The following SLC24A3 variants were observed in gnomAD, a reference collection of about 807,000 sequenced individuals.
The protein encoded by SLC24A3 is sodium/potassium/calcium exchanger 3.
SLC24A3 carries 28 observed loss-of-function variants against 75.8 expected under a neutral mutation model. The ratio of observed to expected loss-of-function variants is 0.37; its 90% CI spans 0.27 to 0.51. The LOEUF is 0.51. SLC24A3 is among the 20% of genes least tolerant of loss of function. The pLI is 0.94. For missense variants in SLC24A3, 663 were observed against 847.8 expected (o/e 0.78, Z 2.71); for synonymous variants, 372 against 334.1 (o/e 1.11, Z -1.24).
chr20:19,396,866 C>T (rs1051565449), intron 2 of SLC24A3, among the ~76,000 whole-genome samples: 2 of 152,196 alleles, frequency 1.3e-5, no homozygotes, highest in African/African-American at 4.8e-5. Flanking sequence ...TCTAACATCT[C>T]CACTTGCCAA....
intron 15 of SLC24A3, among the ~76,000 whole-genome samples, chr20:19,712,178 T>C (rs2032999935): frequency 6.6e-6 from 1 of 152,014 alleles, no homozygotes; most frequent in South Asian, 2.1e-4. Flanking sequence ...CTTTAACTCC[T>C]AGATTCAGGC....
chr20:19,360,201 C>T (rs1419351740), intron 2 of SLC24A3, among the ~76,000 whole-genome samples: 1 of 152,182 alleles, frequency 6.6e-6, no homozygotes, highest in Admixed American at 6.5e-5. Flanking sequence ...TTGCTGATAC[C>T]ATCTTATGTT....
intron 12 of SLC24A3, among the ~76,000 whole-genome samples, chr20:19,692,028 A>T (rs1398102482): frequency 6.6e-6 from 1 of 152,172 alleles, no homozygotes; most frequent in African/African-American, 2.4e-5. Flanking sequence ...ATAATGTTAG[A>T]TACTTTTTCT....
intron 2 of SLC24A3, among the ~76,000 whole-genome samples, chr20:19,437,358 C>T (rs766897418): frequency 3.9e-5 from 6 of 152,200 alleles, no homozygotes; most frequent in Non-Finnish European, 8.8e-5. Context: ...GCCCTGCTGT[C>T]ACTCATTCTC....
At chr20:19,388,205 A>G (rs1178154376) in intron 2 of SLC24A3, among the ~76,000 whole-genome samples, 1 of 152,164 alleles carries the variant, frequency 6.6e-6, no homozygotes, top group African/African-American at 2.4e-5. Context: ...TTTTCTAACT[A>G]TCCCTACTAT....
At chr20:19,360,653 A>G (rs1010873391) in intron 2 of SLC24A3, among the ~76,000 whole-genome samples, 1 of 152,228 alleles carries the variant, frequency 6.6e-6, no homozygotes, top group Non-Finnish European at 1.5e-5. Context: ...GTGAATGTCT[A>G]CACATAACAA....
chr20:19,263,307 G>A (rs1437687935), intron 1 of SLC24A3, among the ~76,000 whole-genome samples: 1 of 152,136 alleles, frequency 6.6e-6, no homozygotes, highest in East Asian at 1.9e-4. Context: ...TGTGAAGAAT[G>A]AGACAGAAGC....
intron 3 of SLC24A3, among the ~76,000 whole-genome samples, chr20:19,540,004 G>C (rs1203242069): frequency 6.6e-6 from 1 of 152,270 alleles, no homozygotes; most frequent in East Asian, 1.9e-4. Context: ...TTTCGGAATT[G>C]TATGGCTTGC....
At chr20:19,615,079 C>T (rs951249439) in intron 6 of SLC24A3, among the ~76,000 whole-genome samples, 1 of 152,148 alleles carries the variant, frequency 6.6e-6, no homozygotes, top group Non-Finnish European at 1.5e-5. Context: ...AGCATCTTAA[C>T]CACCAAGTGG....
chr20:19,512,234 C>T (rs145612640), intron 2 of SLC24A3, among the ~76,000 whole-genome samples: 145 of 152,256 alleles, frequency 9.5e-4, no homozygotes, highest in Admixed American at 1.8e-3. Flanking sequence ...GGTAAGCTGC[C>T]CACTCCCTGA....
chr20:19,385,703 G>T (rs1600458477), intron 2 of SLC24A3, among the ~76,000 whole-genome samples: 1 of 149,864 alleles, frequency 6.7e-6, no homozygotes, highest in Admixed American at 6.7e-5. Flanking sequence ...TTGCAGTGTT[G>T]CAGTCATAGC....
rs376615871 is a variant in SLC24A3 at position 19,578,918 on chromosome 20, A to G, written c.349-1082A>G. On this transcript the variant is annotated intron_variant, in intron 3 of 16. Transcript: ENST00000328041. Reference sequence around the variant, plus strand: ...CTTCCTCTCAAGTCAGATTCCTTCAATATGACTGTCAGTGGCAATGAGGGC... The same window carrying G: ...CTTCCTCTCAAGTCAGATTCCTTCAGTATGACTGTCAGTGGCAATGAGGGC... 6.6e-5 allele frequency among the ~76,000 whole-genome samples: 10 copies of G among 152,256 alleles called. 2 individuals carry two copies.
chr20:19,213,555 C>T (rs1171478641), intron 1 of SLC24A3: 2 of 152,260 alleles, frequency 1.3e-5, no homozygotes, highest in Non-Finnish European at 2.9e-5. Context: ...TAGTAGGGGA[C>T]TTGTTCTCCT....
chr20:19,376,582 A>G (rs764959772), intron 2 of SLC24A3, among the ~76,000 whole-genome samples: 16 of 151,792 alleles, frequency 1.1e-4, no homozygotes, highest in Non-Finnish European at 2.2e-4. Flanking sequence ...GGAAAAGGAT[A>G]TTCCCAGAAC....
At chr20:19,652,845 G>A (rs2032223404) in intron 6 of SLC24A3, among the ~76,000 whole-genome samples, 1 of 152,184 alleles carries the variant, frequency 6.6e-6, no homozygotes, top group African/African-American at 2.4e-5. Context: ...ACTGTGTTTG[G>A]TGTAGCATGT....
intron 2 of SLC24A3, among the ~76,000 whole-genome samples, chr20:19,328,854 C>T (rs1010443692): frequency 1.1e-4 from 16 of 152,162 alleles, no homozygotes. Flanking sequence ...GGAGGGGATT[C>T]CCCACAGGAG....
At chr20:19,344,360 C>T (rs1985340688) in intron 2 of SLC24A3, among the ~76,000 whole-genome samples, 1 of 151,760 alleles carries the variant, frequency 6.6e-6, no homozygotes, top group Non-Finnish European at 1.5e-5. Context: ...TAGCCTTTTA[C>T]ACCTTTAGAT....
At chr20:19,213,245 G>C (rs550533747) in intron 1 of SLC24A3, 1 of 251,384 alleles carries the variant, frequency 4.0e-6, no homozygotes, top group South Asian at 1.7e-4. Context: ...CCGCCTGTGC[G>C]CTGCTTACTC....
intron 1 of SLC24A3, among the ~76,000 whole-genome samples, chr20:19,256,768 C>CAAA (rs11475395): frequency 5.0e-5 from 4 of 80,284 alleles, no homozygotes; most frequent in East Asian, 2.9e-4. Flanking sequence ...GACGTTGTCT[C>CAAA]AAAAAAAAAA....
Sources: allele counts gnomAD v4.1 joint callset (sites outside exome capture counted in the v4.1 genomes callset), GRCh38; gene constraint gnomAD v4.1.1; transcripts MANE v1.5; gene names NCBI Gene and HGNC (gene_info 2026-07-23, HGNC 2026-07-21).